TAB1: variants seen among roughly 807,000 people sequenced by gnomAD.
TAB1 encodes TGF-beta activated kinase 1 (MAP3K7) binding protein 1, also known as TGF-beta-activated kinase 1 and MAP3K7-binding protein 1.
In TAB1, 30 loss-of-function variants were observed where a neutral mutation model predicts 54.5. The ratio of observed to expected loss-of-function variants is 0.55; its 90% CI spans 0.41 to 0.75. The LOEUF (loss-of-function observed/expected upper bound fraction) is 0.75. Among genes scored for constraint, TAB1 ranks in the 30% least tolerant of loss-of-function variants. TAB1 has a pLI of 0.00. For missense variants in TAB1, 609 were observed against 683.2 expected, an observed-to-expected ratio of 0.89 and a Z score of 1.21; for synonymous variants, 289 against 286.9, an observed-to-expected ratio of 1.01 and a Z score of -0.07.
intron 1 of TAB1, among the ~76,000 whole-genome samples, chr22:39,412,747 T>A (rs1926659471): frequency 6.6e-6 from 1 of 152,126 alleles, no homozygotes; most frequent in Non-Finnish European, 1.5e-5. Context: ...TTGAAGTGGT[T>A]TCCACATCCT....
intron 1 of TAB1, among the ~76,000 whole-genome samples, chr22:39,412,717 T>C (rs771144223): frequency 6.6e-6 from 1 of 152,096 alleles, no homozygotes; most frequent in Non-Finnish European, 1.5e-5. Context: ...GCTTTTTATA[T>C]ATATGATTGC....
intron 1 of TAB1, among the ~76,000 whole-genome samples, chr22:39,411,752 A>G (rs892362844): frequency 1.3e-5 from 2 of 152,258 alleles, no homozygotes; most frequent in African/African-American, 4.8e-5. Flanking sequence ...ATGAAAAGTT[A>G]CATTCATACA....
Position 39,416,873 on chromosome 22 carries a change from C to T in TAB1, c.407C>T (p.Pro136Leu), listed in dbSNP as rs778865110. Residue 136 changes from proline (P) to leucine (L), a missense_variant, in exon 4 of 11, where the codon CCA becomes CTA. Physicochemically the swap from Pro to Leu is moderately conservative, Grantham distance 98. Coordinates refer to ENST00000216160, the MANE Select transcript of TAB1 (RefSeq NM_006116.3). ...AAGGCAAGCCTCCAGTCGCAATTGCCAGAGGTAATTTCCCCAGCCGACACC... is the reference window on the plus strand; with the variant it reads ...AAGGCAAGCCTCCAGTCGCAATTGCTAGAGGTAATTTCCCCAGCCGACACC... The part of the protein sequence containing the change: ...AEKASLQSQL[P>L]EGVPQHQLPP... The T allele has an allele frequency of 2.5e-6, 4 of 1,614,064 alleles. No homozygotes were observed. The highest frequency in any genetic ancestry group is 3.4e-6 in the Non-Finnish European group (4 of 1,180,034).
At chr22:39,429,819 T>C in intron 10 of TAB1, 196 bp from the exon 11 acceptor site, 1 of 985,438 alleles carries the variant, frequency 1.0e-6, no homozygotes, top group Non-Finnish European at 1.2e-6. Flanking sequence ...AGTAGCCACA[T>C]GCATCTGGTG....
chr22:39,423,806 C>T (rs11912116), intron 8 of TAB1, among the ~76,000 whole-genome samples: 3 of 138,762 alleles, frequency 2.2e-5, no homozygotes, highest in East Asian at 2.2e-4. Flanking sequence ...TACATTGTAA[C>T]TAATGTATAG....
intron 1 of TAB1, among the ~76,000 whole-genome samples, chr22:39,408,587 C>A (rs1362585633): frequency 6.6e-6 from 1 of 152,156 alleles, no homozygotes; most frequent in African/African-American, 2.4e-5. Context: ...TCTGCAACCT[C>A]CACCTCCTGG....
At chr22:39,436,589 C>A, downstream of TAB1, 1 of 1,591,258 alleles carries the variant, frequency 6.3e-7, no homozygotes, top group Non-Finnish European at 8.6e-7. Flanking sequence ...GCGCCTACAC[C>A]AAGGGGCCCT....
chr22:39,436,794 A>G, downstream of TAB1: 1 of 572,588 alleles, frequency 1.7e-6, no homozygotes, highest in Non-Finnish European at 3.1e-6. Context: ...TCTTCTTTCC[A>G]GGGACTTATC....
chr22:39,409,469 G>A (rs1204603748), intron 1 of TAB1, among the ~76,000 whole-genome samples: 1 of 152,164 alleles, frequency 6.6e-6, no homozygotes, highest in African/African-American at 2.4e-5. Context: ...TCCCCCCCAG[G>A]CACATACGTG....
rs757511417 is a variant in TAB1, at chr22:39,418,777, A to G, written c.596A>G (p.Gln199Arg). ...TGCAAATCGACAGTGGATGGGTTGC[A>G]GGTGACACAGCTGAACGTGGACCAC... ...LLCKSTVDGL[Q>R]VTQLNVDHTT... The change falls in exon 6 of 11, where the codon CAG (glutamine) becomes CGG (arginine). Residue 199 changes from glutamine to arginine, a missense_variant. Gln to Arg is a conservative substitution (Grantham distance 43, BLOSUM62 1). Coordinates refer to ENST00000216160, the MANE Select transcript of TAB1 (RefSeq NM_006116.3). The G allele has an allele frequency of 1.2e-6, 2 of 1,614,186 alleles. No homozygotes were observed. The highest frequency in any genetic ancestry group is 1.7e-6 in the Non-Finnish European group (2 of 1,180,014).
intron 8 of TAB1, among the ~76,000 whole-genome samples, chr22:39,424,728 A>C (rs1927244038): frequency 6.6e-6 from 1 of 152,062 alleles, no homozygotes; most frequent in Non-Finnish European, 1.5e-5. Flanking sequence ...GATTATAGAC[A>C]TGAGCCACTG....
At chr22:39,432,652 G>C (rs992187364), downstream of TAB1, 2 of 718,930 alleles carry the variant, frequency 2.8e-6, no homozygotes, top group African/African-American at 3.9e-5. Context: ...CCGAGAGAGA[G>C]AGAGAGACAT....
At chr22:39,425,266 C>G (rs186458328) in intron 8 of TAB1, among the ~76,000 whole-genome samples, 1 of 151,958 alleles carries the variant, frequency 6.6e-6, no homozygotes, top group East Asian at 1.9e-4. Context: ...CGCCTGTAAT[C>G]CTAGCTACTC....
At chr22:39,423,791 T>C (rs1159939028) in intron 8 of TAB1, among the ~76,000 whole-genome samples, 1 of 152,190 alleles carries the variant, frequency 6.6e-6, no homozygotes, top group Admixed American at 6.5e-5. Flanking sequence ...TAGTGTTTTA[T>C]AGTGTACATT....
At chr22:39,423,195 G>A (rs998071321) in intron 8 of TAB1, among the ~76,000 whole-genome samples, 1 of 151,904 alleles carries the variant, frequency 6.6e-6, no homozygotes, top group Non-Finnish European at 1.5e-5. Flanking sequence ...TCACTGTATC[G>A]CCCAGGTTAA....
Position 39,430,960 on chromosome 22 carries a change from G to T in TAB1, c.*738G>T. Reference sequence around the variant, plus strand: ...TGAGGACTGGCCCCGGTGGGCTGAGGCAGGGGCCGCTGTCGTCAGGCCTGA... The same window carrying T: ...TGAGGACTGGCCCCGGTGGGCTGAGTCAGGGGCCGCTGTCGTCAGGCCTGA... On this transcript the variant is annotated 3_prime_UTR_variant, in exon 11 of 11. Transcript: ENST00000216160. The T allele has an allele frequency of 1.0e-6, 1 of 986,922 alleles. No individual in the cohort carries two copies. The highest frequency in any genetic ancestry group is 1.7e-5 in the African/African-American group (1 of 57,384). 61.1% of individuals were successfully genotyped at this position (986,922 alleles called of 1,614,324 possible).
At chr22:39,401,287 A>G (rs1422330264) in intron 1 of TAB1, among the ~76,000 whole-genome samples, 1 of 152,220 alleles carries the variant, frequency 6.6e-6, no homozygotes, top group Non-Finnish European at 1.5e-5. Flanking sequence ...CACAGTTCCC[A>G]GGCCTCCCCA....
intron 7 of TAB1, among the ~76,000 whole-genome samples, chr22:39,420,777 G>C (rs983462886): frequency 1.3e-4 from 16 of 124,990 alleles, no homozygotes; most frequent in African/African-American, 3.0e-4. Flanking sequence ...CGGTGTCTCT[G>C]TGTGTGTGTG....
At chr22:39,435,464 C>G (rs1210520992), downstream of TAB1, among the ~76,000 whole-genome samples, 1 of 152,196 alleles carries the variant, frequency 6.6e-6, no homozygotes, top group African/African-American at 2.4e-5. Flanking sequence ...CACCCAGCCC[C>G]TGAAGGGCAG....
Sources: gnomAD v4.1 joint callset for allele counts (sites outside exome capture counted in the v4.1 genomes callset) on GRCh38, gnomAD v4.1.1 for gene constraint, MANE v1.5 for transcripts, NCBI Gene and HGNC (gene_info 2026-07-23, HGNC 2026-07-21) for gene names.